SCFD2: variants seen among roughly 807,000 people sequenced by gnomAD.
The protein encoded by SCFD2 is sec1 family domain containing 2, also known as sec1 family domain-containing protein 2.
In SCFD2, 54 loss-of-function variants were observed where a neutral mutation model predicts 58.9. The observed-to-expected ratio is 0.92, with a 90% CI of 0.74 to 1.15. SCFD2 has a LOEUF of 1.15. Among genes scored for constraint, SCFD2 ranks in the 50% most tolerant of loss-of-function variants. SCFD2 has a pLI of 0.00. For synonymous variants in SCFD2, 321 were observed against 335.9 expected (o/e 0.96, Z 0.49); for missense variants, 805 against 836.6 (o/e 0.96, Z 0.47).
chr4:52,900,582 G>C (rs576965089), intron 7 of SCFD2, among the ~76,000 whole-genome samples: 1 of 152,324 alleles, frequency 6.6e-6, no homozygotes, highest in South Asian at 2.1e-4. Flanking sequence ...AGGCTACTCG[G>C]GGGTCAGGGA....
At position 53,145,545 on chromosome 4, in the gene SCFD2, T is replaced by C. The variant is rs373155918; in HGVS notation, c.1349A>G (p.Gln450Arg). The C allele has an allele frequency of 3.1e-6, 5 of 1,614,034 alleles. No individual in the cohort carries two copies. The African/African-American group carries it at 6.7e-5, about 22-fold the overall frequency. Reference sequence around the variant, plus strand: ...TACAGGCTTAATCATGGGCAGCAGCTGATTTAACACAACGGACATTGCTGA... The same window carrying C: ...TACAGGCTTAATCATGGGCAGCAGCCGATTTAACACAACGGACATTGCTGA... ...GESAMSVVLN[Q>R]LLPMIKPVTQ... The change falls in exon 5 of 9, where the codon CAG (glutamine) becomes CGG (arginine). Residue 450 changes from glutamine to arginine, a missense_variant. Around this residue, in one of 3 missense-constraint regions of SCFD2, gnomAD observed 633 missense variants for 646.8 expected, o/e 0.98. Transcript: ENST00000401642.
At chr4:52,917,837 G>C (rs1182362736) in intron 6 of SCFD2, among the ~76,000 whole-genome samples, 2 of 152,202 alleles carry the variant, frequency 1.3e-5, no homozygotes, top group Non-Finnish European at 2.9e-5. Context: ...CATCTGAATT[G>C]TGATTGACAC....
At chr4:53,309,432 G>T (rs1209515240) in intron 3 of SCFD2, among the ~76,000 whole-genome samples, 9 of 152,182 alleles carry the variant, frequency 5.9e-5, no homozygotes, top group Non-Finnish European at 1.2e-4. Context: ...TAGTGGATCA[G>T]ATTATCATCT....
intron 3 of SCFD2, among the ~76,000 whole-genome samples, chr4:53,297,380 C>A (rs992459504): frequency 1.3e-5 from 2 of 152,090 alleles, no homozygotes; most frequent in African/African-American, 4.8e-5. Flanking sequence ...GATCCCTCTA[C>A]CATTATGTAA....
At chr4:52,903,775 C>T (rs1261944509) in intron 7 of SCFD2, among the ~76,000 whole-genome samples, 1 of 152,156 alleles carries the variant, frequency 6.6e-6, no homozygotes, top group Non-Finnish European at 1.5e-5. Flanking sequence ...CTGTTCTATT[C>T]TTTTTCATTT....
intron 5 of SCFD2, among the ~76,000 whole-genome samples, chr4:52,943,199 A>G (rs1478621718): frequency 6.6e-6 from 1 of 151,790 alleles, no homozygotes; most frequent in Admixed American, 6.6e-5. Context: ...CATATTAAAG[A>G]AACTGTCAGT....
In SCFD2 at chr4:53,366,043, G is replaced by C; in HGVS notation, c.-102C>G. 7.4e-7 allele frequency: 1 copy of C among 1,355,592 alleles called. No individual in the cohort carries two copies. The highest frequency in any genetic ancestry group is 9.9e-7 in the Non-Finnish European group (1 of 1,006,432). The allele number at this position is 1,355,592 out of a possible 1,614,324, so 84.0% of individuals were successfully genotyped here. On this transcript the variant is annotated 5_prime_UTR_variant, in exon 1 of 9. Transcript: ENST00000401642. ...CCGGGAGACTTTGACAGTCTCCACA[G>C]TACACGTGGTCGGCCTCTGACACGC...
At chr4:53,105,741 G>A (rs1433308989) in intron 5 of SCFD2, among the ~76,000 whole-genome samples, 5 of 152,220 alleles carry the variant, frequency 3.3e-5, no homozygotes, top group Admixed American at 3.3e-4. Flanking sequence ...CCTGGGGGAA[G>A]GAGCGGCTGT....
At chr4:52,962,085 T>C (rs1416962996) in intron 5 of SCFD2, among the ~76,000 whole-genome samples, 2 of 152,194 alleles carry the variant, frequency 1.3e-5, no homozygotes, top group African/African-American at 2.4e-5. Flanking sequence ...GGAGTGGGGA[T>C]GATTCTCACC....
intron 5 of SCFD2, among the ~76,000 whole-genome samples, chr4:53,110,338 A>C (rs907323232): frequency 2.6e-5 from 4 of 152,200 alleles, no homozygotes; most frequent in African/African-American, 9.7e-5. Flanking sequence ...ATGGGCAAAG[A>C]CTTCATGACC....
intron 5 of SCFD2, among the ~76,000 whole-genome samples, chr4:53,018,680 G>A (rs998829165): frequency 6.6e-6 from 1 of 152,158 alleles, no homozygotes; most frequent in Non-Finnish European, 1.5e-5. Flanking sequence ...AAGAGACCCA[G>A]CATATCAACC....
intron 5 of SCFD2, among the ~76,000 whole-genome samples, chr4:53,142,113 ATCT>A (rs1726186840): frequency 6.6e-6 from 1 of 152,242 alleles, no homozygotes; most frequent in African/African-American, 2.4e-5. Context: ...AACCATGCAC[ATCT>A]TCTTAAACCA....
At chr4:53,105,960 G>A (rs759474540) in intron 5 of SCFD2, among the ~76,000 whole-genome samples, 26 of 151,074 alleles carry the variant, frequency 1.7e-4, no homozygotes, top group Middle Eastern at 3.2e-3. Flanking sequence ...GCTGGCATCT[G>A]GTGGGTGCCC....
chr4:53,285,938 C>G (rs778343876), intron 3 of SCFD2, among the ~76,000 whole-genome samples: 29 of 152,104 alleles, frequency 1.9e-4, no homozygotes, highest in Non-Finnish European at 4.1e-4. Context: ...CACCACCCAC[C>G]ACCTCCCCAC....
At chr4:52,971,559 C>T (rs1721101489) in intron 5 of SCFD2, among the ~76,000 whole-genome samples, 1 of 152,112 alleles carries the variant, frequency 6.6e-6, no homozygotes, top group South Asian at 2.1e-4. Flanking sequence ...CTGAAAGTGA[C>T]AGGGAGAATG....
chr4:53,330,261 C>T (rs1371673662), intron 2 of SCFD2, among the ~76,000 whole-genome samples: 3 of 151,934 alleles, frequency 2.0e-5, no homozygotes, highest in Non-Finnish European at 2.9e-5. Context: ...AAAGATACTC[C>T]TCAAGAAGAG....
chr4:53,319,131 A>T (rs1397244602), intron 2 of SCFD2, among the ~76,000 whole-genome samples: 1 of 152,210 alleles, frequency 6.6e-6, no homozygotes, highest in East Asian at 1.9e-4. Context: ...CAAATCCATA[A>T]TATCCTTTAA....
At chr4:53,334,036 C>G (rs1197964255) in intron 2 of SCFD2, among the ~76,000 whole-genome samples, 1 of 151,924 alleles carries the variant, frequency 6.6e-6, no homozygotes, top group Non-Finnish European at 1.5e-5. Context: ...AAATGCAAAT[C>G]AAAACCACAA....
intron 5 of SCFD2, among the ~76,000 whole-genome samples, chr4:52,981,005 TG>T (rs1008927797): frequency 6.6e-6 from 1 of 152,156 alleles, no homozygotes; most frequent in Non-Finnish European, 1.5e-5. Flanking sequence ...TGAACTGGCA[TG>T]GGGTTGGCTC....
Sources: gnomAD v4.1 joint callset for allele counts (sites outside exome capture counted in the v4.1 genomes callset) on GRCh38, gnomAD v4.1.1 for gene constraint, gnomAD v4.1.1 regional missense constraint, MANE v1.5 for transcripts, NCBI Gene and HGNC (gene_info 2026-07-23, HGNC 2026-07-21) for gene names.